The following VPS50 variants were observed in gnomAD, a reference collection of about 807,000 sequenced individuals.
VPS50 encodes the protein syndetin.
A neutral mutation model predicts 139.7 loss-of-function variants in VPS50; 70 were observed. The ratio of observed to expected loss-of-function variants is 0.50; its 90% CI spans 0.41 to 0.61. The LOEUF (loss-of-function observed/expected upper bound fraction) is 0.61. Ranked by LOEUF, VPS50 falls within the 20% of genes least tolerant of loss-of-function variation. The probability of loss-of-function intolerance (pLI) is 0.00; values close to 1 mark genes in which losing one functional copy is unlikely to be tolerated. For synonymous variants in VPS50, 365 were observed against 376.7 expected (o/e 0.97, Z 0.36); for missense variants, 921 against 1,133.7 (o/e 0.81, Z 2.69).
intron 9 of VPS50, among the ~76,000 whole-genome samples, chr7:93,260,949 T>C (rs1362221632): frequency 1.3e-5 from 2 of 152,120 alleles, no homozygotes; most frequent in African/African-American, 2.4e-5. Context: ...AGTTAACACA[T>C]TTTTTATTTG....
At chr7:93,297,371 T>G in intron 16 of VPS50, 128 bp downstream of exon 16, 1 of 1,007,894 alleles carries the variant, frequency 9.9e-7, no homozygotes, top group South Asian at 3.3e-5. Flanking sequence ...TGTAGCTTTT[T>G]TAAGATGGTT....
chr7:93,301,584 C>T (rs1446415145), intron 16 of VPS50, among the ~76,000 whole-genome samples: 1 of 152,160 alleles, frequency 6.6e-6, no homozygotes, highest in Non-Finnish European at 1.5e-5. Context: ...ATACCACAAA[C>T]CTGTCTGGAA....
At chr7:93,271,027 G>A in intron 9 of VPS50, 193 bp from the exon 10 acceptor site, 1 of 752,144 alleles carries the variant, frequency 1.3e-6, no homozygotes, top group Non-Finnish European at 1.8e-6. Context: ...TCCTGTTGCT[G>A]CTGCTAATGA....
At chr7:93,352,985 C>T (rs1030134040) in intron 25 of VPS50, among the ~76,000 whole-genome samples, 12 of 152,048 alleles carry the variant, frequency 7.9e-5, no homozygotes, top group Admixed American at 6.6e-4. Flanking sequence ...CAGCATGACA[C>T]TCAGAGGAAC....
At chr7:93,244,588 G>A (rs772981464) in intron 2 of VPS50, among the ~76,000 whole-genome samples, 9 of 151,818 alleles carry the variant, frequency 5.9e-5, no homozygotes, top group Non-Finnish European at 1.3e-4. Flanking sequence ...TGTAATTTTT[G>A]TAGGAGAAAT....
chr7:93,349,785 T>C (rs1243123606), intron 24 of VPS50, 90 bp from the exon 25 acceptor site: 3 of 841,298 alleles, frequency 3.6e-6, no homozygotes, highest in Admixed American at 5.1e-5. Flanking sequence ...TTTTCAGATA[T>C]GATATATACT....
At chr7:93,324,955 C>G (rs1797726102) in intron 21 of VPS50, among the ~76,000 whole-genome samples, 1 of 152,010 alleles carries the variant, frequency 6.6e-6, no homozygotes, top group African/African-American at 2.4e-5. Context: ...CTTTAAAGTT[C>G]ATATGGAACC....
chr7:93,331,786 A>G (rs1354054753), intron 21 of VPS50, among the ~76,000 whole-genome samples: 2 of 152,166 alleles, frequency 1.3e-5, no homozygotes, highest in Non-Finnish European at 2.9e-5. Flanking sequence ...GAAATACGAA[A>G]AGGCAAGTCA....
intron 21 of VPS50, 131 bp downstream of exon 21, chr7:93,323,863 T>G (rs1797690440): frequency 2.5e-6 from 1 of 393,960 alleles, no homozygotes; most frequent in Non-Finnish European, 4.4e-6. Context: ...AAAACAAAAT[T>G]ATTGATATCA....
Position 93,308,847 on chromosome 7 carries a change from G to C in VPS50, c.1653G>C (p.Lys551Asn). 1 of 1,602,268 alleles carries C rather than the reference G, an allele frequency of 6.2e-7. No individual in the cohort carries two copies. The highest frequency in any genetic ancestry group is 8.5e-7 in the Non-Finnish European group (1 of 1,170,350). Residue 551 changes from lysine (K) to asparagine (N), a missense_variant, in exon 19 of 28, where the codon AAG becomes AAC. Physicochemically the swap from Lys to Asn is moderately conservative, Grantham distance 94. Coordinates refer to ENST00000305866, the MANE Select transcript of VPS50 (RefSeq NM_017667.4). Reference sequence around the variant, plus strand: ...AGTATGAATCTGATGAACAAGAAAAGAGTGCCTATCAAGAGTATGACAGTG... The same window carrying C: ...AGTATGAATCTGATGAACAAGAAAACAGTGCCTATCAAGAGTATGACAGTG... Reference protein sequence around the residue: ...SNGYESDEQEKSAYQEYDSDS... With the variant: ...SNGYESDEQENSAYQEYDSDS...
chr7:93,337,430 C>T (rs1166641562), intron 22 of VPS50, among the ~76,000 whole-genome samples: 1 of 152,142 alleles, frequency 6.6e-6, no homozygotes, highest in African/African-American at 2.4e-5. Flanking sequence ...CTCTCCTTGA[C>T]TTCCATTATT....
chr7:93,306,474 G>C (rs1797119740), intron 18 of VPS50, among the ~76,000 whole-genome samples: 1 of 151,804 alleles, frequency 6.6e-6, no homozygotes, highest in Non-Finnish European at 1.5e-5. Context: ...TTGAGATTTA[G>C]AAGTACAATG....
intron 22 of VPS50, among the ~76,000 whole-genome samples, chr7:93,335,625 T>C (rs1798049765): frequency 6.6e-6 from 1 of 152,190 alleles, no homozygotes; most frequent in Non-Finnish European, 1.5e-5. Context: ...GTAAAATCCA[T>C]TGGTCTCAGC....
Position 93,356,032 on chromosome 7 carries a change from T to C in VPS50, c.2727T>C (p.Ala909=). The C allele has an allele frequency of 6.4e-7, 1 of 1,560,224 alleles. No homozygotes were observed. The change falls in exon 27 of 28, where the codon GCT becomes GCC. Residue 909 remains alanine (A), a synonymous_variant. Transcript: ENST00000305866. ...DKEFVETYIK[A]YYLTENDMER... is the part of the protein sequence containing the mutation. ...AATTTGTAGAAACTTATATTAAAGC[T>C]TATTACCTAACTGAGAATGACATGG... is the stretch of plus-strand genomic sequence containing the variant.
intron 27 of VPS50, among the ~76,000 whole-genome samples, chr7:93,357,154 A>G (rs1377603105): frequency 6.6e-6 from 1 of 152,212 alleles, no homozygotes; most frequent in Non-Finnish European, 1.5e-5. Context: ...TCCATTTAGT[A>G]AAGTAAGCTG....
chr7:93,326,477 A>T (rs920237521), intron 21 of VPS50, among the ~76,000 whole-genome samples: 3 of 151,188 alleles, frequency 2.0e-5, no homozygotes, highest in Admixed American at 1.3e-4. Flanking sequence ...AATAAAATAA[A>T]ATAATACAGT....
chr7:93,353,153 C>A (rs6465379), intron 25 of VPS50, among the ~76,000 whole-genome samples: 82,679 of 151,946 alleles, frequency 0.54, 25,998 homozygotes, highest in African/African-American at 0.87. Flanking sequence ...CAACCCATAT[C>A]ATTATTTATT....
intron 26 of VPS50, among the ~76,000 whole-genome samples, chr7:93,355,556 T>C (rs1196196796): frequency 2.0e-5 from 3 of 152,208 alleles, no homozygotes; most frequent in African/African-American, 4.8e-5. Flanking sequence ...ATAAAGTAAC[T>C]CTTGGCAGCC....
In VPS50 at chr7:93,341,556, G is replaced by A. The variant is rs377166540; in HGVS notation, c.2188G>A (p.Val730Met). 7.5e-6 allele frequency: 12 copies of A among 1,609,146 alleles called. No individual in the cohort carries two copies. The highest frequency in any genetic ancestry group is 9.3e-6 in the Non-Finnish European group (11 of 1,178,120). The change falls in exon 23 of 28, where the codon GTG (valine) becomes ATG (methionine). Residue 730 changes from valine (V) to methionine (M), a missense_variant. Physicochemically the swap from Val to Met is conservative, Grantham distance 21 (BLOSUM62 1). Coordinates refer to ENST00000305866, the MANE Select transcript of VPS50 (RefSeq NM_017667.4). Reference sequence around the variant, plus strand: ...TACGCTGTATGGGTTGGCAGAAAGAGTGGTAGCCACGGAATCCTTGTAAGT... The same window carrying A: ...TACGCTGTATGGGTTGGCAGAAAGAATGGTAGCCACGGAATCCTTGTAAGT... ...GDTLYGLAER[V>M]VATESLVFLA...
Sources: gnomAD v4.1 joint callset for allele counts (sites outside exome capture counted in the v4.1 genomes callset) on GRCh38, gnomAD v4.1.1 for gene constraint, MANE v1.5 for transcripts, NCBI Gene and HGNC (gene_info 2026-07-23, HGNC 2026-07-21) for gene names.